The following PTPRR variants were observed in gnomAD, a reference collection of about 807,000 sequenced individuals.
PTPRR encodes receptor-type tyrosine-protein phosphatase R.
A neutral mutation model predicts 77.2 loss-of-function variants in PTPRR; 38 were observed. The ratio of observed to expected loss-of-function variants is 0.49; its 90% confidence interval spans 0.38 to 0.65. PTPRR has a LOEUF of 0.65. PTPRR is among the 30% of genes least tolerant of loss of function. The probability of loss-of-function intolerance (pLI) is 0.00; values close to 1 mark genes in which losing one functional copy is unlikely to be tolerated. For missense variants in PTPRR, 744 were observed against 799.2 expected (o/e 0.93, Z 0.83); for synonymous variants, 299 against 283.1 (o/e 1.06, Z -0.57).
At chr12:70,832,468 A>T (rs1462480324) in intron 2 of PTPRR, among the ~76,000 whole-genome samples, 5 of 152,186 alleles carry the variant, frequency 3.3e-5, no homozygotes, top group African/African-American at 1.2e-4. Context: ...AACATGATAC[A>T]TTTGGAGAAA....
chr12:70,849,055 C>A (rs1316788410), intron 2 of PTPRR, among the ~76,000 whole-genome samples: 3 of 151,872 alleles, frequency 2.0e-5, no homozygotes, highest in African/African-American at 7.3e-5. Flanking sequence ...GCCCTTTATT[C>A]AAAAAAATTG....
chr12:70,657,223 G>A lies in PTPRR; in HGVS notation c.1767-406C>T, dbSNP rs1044452502. ...AAAGATGACTAGGCCTGGAGAGAAA[G>A]AAGAATGGTGATGCCCTGAGGCCAA... On this transcript the variant is annotated intron_variant, in intron 12 of 13. Transcript: ENST00000283228. Among the ~76,000 whole-genome samples, 6 of 152,262 alleles carry A rather than the reference G, an allele frequency of 3.9e-5. No homozygotes were observed. In the East Asian group the frequency reaches 1.2e-3, roughly 29 times the overall value.
At chr12:70,852,956 C>T (rs1472694324) in intron 2 of PTPRR, among the ~76,000 whole-genome samples, 3 of 152,166 alleles carry the variant, frequency 2.0e-5, no homozygotes. Flanking sequence ...GTTCTGTCCT[C>T]ATGGGAGATT....
chr12:70,841,341 A>G (rs1206095851), intron 2 of PTPRR, among the ~76,000 whole-genome samples: 1 of 152,138 alleles, frequency 6.6e-6, no homozygotes, highest in African/African-American at 2.4e-5. Context: ...TGGGCACTCC[A>G]ATTTCCCAAA....
chr12:70,728,535 A>ATAT (rs1889539275), intron 6 of PTPRR, among the ~76,000 whole-genome samples: 1 of 99,478 alleles, frequency 1.0e-5, no homozygotes, highest in African/African-American at 4.3e-5. Flanking sequence ...CTGAATATAT[A>ATAT]TATATATATA....
intron 1 of PTPRR, among the ~76,000 whole-genome samples, chr12:70,906,314 G>T (rs988643983): frequency 6.6e-6 from 1 of 151,920 alleles, no homozygotes; most frequent in African/African-American, 2.4e-5. Context: ...CAGTTAGACA[G>T]ATTTTGCATG....
chr12:70,757,953 G>T (rs1305969192), intron 4 of PTPRR, among the ~76,000 whole-genome samples: 1 of 152,080 alleles, frequency 6.6e-6, no homozygotes, highest in Non-Finnish European at 1.5e-5. Flanking sequence ...ATTTTTGCAG[G>T]GCTTCTTTAG....
At chr12:70,827,006 G>C (rs974113447) in intron 2 of PTPRR, among the ~76,000 whole-genome samples, 3 of 152,088 alleles carry the variant, frequency 2.0e-5, no homozygotes, top group Non-Finnish European at 4.4e-5. Flanking sequence ...TTTACAGTGG[G>C]CTCCTTCTTA....
intron 2 of PTPRR, among the ~76,000 whole-genome samples, chr12:70,770,617 A>T (rs1009203222): frequency 9.8e-5 from 15 of 152,342 alleles, no homozygotes; most frequent in Middle Eastern, 6.8e-3. Context: ...GGGATCTAGA[A>T]CTAGAAATAC....
intron 2 of PTPRR, among the ~76,000 whole-genome samples, chr12:70,773,052 A>G (rs1218910449): frequency 1.3e-5 from 2 of 151,988 alleles, no homozygotes; most frequent in East Asian, 1.9e-4. Flanking sequence ...GATTACAGAT[A>G]TATTACTCTA....
At chr12:70,837,246 T>C (rs1343366239) in intron 2 of PTPRR, among the ~76,000 whole-genome samples, 6 of 152,090 alleles carry the variant, frequency 3.9e-5, no homozygotes, top group Non-Finnish European at 8.8e-5. Context: ...CTCACATCCA[T>C]GGATGTGGCT....
rs561158757 is a variant in PTPRR, at chr12:70,912,460, T to C, written c.58+7873A>G. Among the ~76,000 whole-genome samples the C allele has an allele frequency of 4.6e-5, 7 of 152,262 alleles. No individual in the cohort carries two copies. In the East Asian group the frequency reaches 1.4e-3, roughly 29 times the overall value. On this transcript the variant is annotated intron_variant, in intron 1 of 13. Transcript: ENST00000283228. ...CTCATTTAAGTCAGAAAATGGACAT[T>C]GCTTTAGATCTGAAAAAAAGGAAAT...
intron 2 of PTPRR, among the ~76,000 whole-genome samples, chr12:70,780,003 T>A (rs1338635720): frequency 2.0e-5 from 3 of 152,124 alleles, no homozygotes; most frequent in African/African-American, 7.2e-5. Context: ...CTCACTTTTT[T>A]TTTTTTTAAG....
At chr12:70,639,521 G>A in intron 13 of PTPRR, 1 of 1,222,538 alleles carries the variant, frequency 8.2e-7, no homozygotes. Flanking sequence ...ATTTTTACCT[G>A]TGTAACATTA....
At chr12:70,812,231 C>T (rs1891821051) in intron 2 of PTPRR, among the ~76,000 whole-genome samples, 1 of 152,080 alleles carries the variant, frequency 6.6e-6, no homozygotes, top group Non-Finnish European at 1.5e-5. Flanking sequence ...TTGTAAATGG[C>T]AATATAATTG....
intron 12 of PTPRR, among the ~76,000 whole-genome samples, chr12:70,658,721 CT>C (rs78112860): frequency 3.2e-3 from 438 of 138,666 alleles, no homozygotes; most frequent in Admixed American, 3.2e-3. Flanking sequence ...GAAATACATC[CT>C]TTTTTTTTTT....
chr12:70,860,377 C>T (rs919231215), intron 2 of PTPRR, among the ~76,000 whole-genome samples: 4 of 152,028 alleles, frequency 2.6e-5, no homozygotes, highest in African/African-American at 9.7e-5. Flanking sequence ...TCAAATCAAA[C>T]CTAGAGAGTT....
At chr12:70,683,229 T>C (rs1051575697) in intron 10 of PTPRR, among the ~76,000 whole-genome samples, 7 of 152,196 alleles carry the variant, frequency 4.6e-5, no homozygotes, top group Non-Finnish European at 1.0e-4. Flanking sequence ...TCTGGTACAA[T>C]ATTTTTGACA....
At chr12:70,707,931 A>C (rs1698388915) in intron 6 of PTPRR, among the ~76,000 whole-genome samples, 1 of 151,756 alleles carries the variant, frequency 6.6e-6, no homozygotes, top group Non-Finnish European at 1.5e-5. Flanking sequence ...ATGCTTCCTA[A>C]TCTATCTACT....
Sources: gnomAD v4.1 joint callset for allele counts (sites outside exome capture counted in the v4.1 genomes callset) on GRCh38, gnomAD v4.1.1 for gene constraint, MANE v1.5 for transcripts, NCBI Gene and HGNC (gene_info 2026-07-23, HGNC 2026-07-21) for gene names.